Variants in ZSCAN25 observed in about 807,000 individuals in gnomAD.
The protein encoded by ZSCAN25 is zinc finger and SCAN domain containing 25.
In ZSCAN25, 27 loss-of-function variants were observed where a neutral mutation model predicts 38.7. The observed-to-expected ratio is 0.70, with a 90% confidence interval of 0.51 to 0.96. ZSCAN25 has a LOEUF of 0.96. Ranked by LOEUF, ZSCAN25 falls within the 40% of genes least tolerant of loss-of-function variation. The pLI is 0.00. For missense variants in ZSCAN25, 637 were observed against 705.9 expected (o/e 0.90, Z 1.11); for synonymous variants, 273 against 277.7 (o/e 0.98, Z 0.17).
chr7:99,719,079 A>T, the ZSCAN25 span, among the ~76,000 whole-genome samples: 1 of 152,224 alleles, frequency 6.6e-6, no homozygotes, highest in Non-Finnish European at 1.5e-5. Flanking sequence ...ACTTTCCCTA[A>T]ATTGATCTAT....
the ZSCAN25 span, chr7:99,715,914 G>C: frequency 1.2e-6 from 2 of 1,613,480 alleles, no homozygotes; most frequent in Non-Finnish European, 1.7e-6. Flanking sequence ...ACGCTGAGTG[G>C]AGAAAGATGT....
At chr7:99,683,736 C>T in the ZSCAN25 span, among the ~76,000 whole-genome samples, 5 of 152,080 alleles carry the variant, frequency 3.3e-5, no homozygotes, top group African/African-American at 1.2e-4. Context: ...TGCTTGGACT[C>T]CCACACACAG....
chr7:99,656,787 A>G, the ZSCAN25 span, among the ~76,000 whole-genome samples: 3 of 152,140 alleles, frequency 2.0e-5, no homozygotes, highest in Non-Finnish European at 4.4e-5. Flanking sequence ...CAGAGTTTCA[A>G]CTTCTTCCTG....
chr7:99,647,516 A>G, the ZSCAN25 span: 1 of 985,482 alleles, frequency 1.0e-6, no homozygotes, highest in Non-Finnish European at 1.2e-6. Flanking sequence ...GGAATGCAAG[A>G]CGTATAAGAA....
the ZSCAN25 span, among the ~76,000 whole-genome samples, chr7:99,687,473 A>G: frequency 2.0e-5 from 3 of 152,360 alleles, no homozygotes; most frequent in Non-Finnish European, 4.4e-5. Flanking sequence ...GTTTAGAGAA[A>G]AAGAATAAAA....
At chr7:99,649,009 C>T in the ZSCAN25 span, among the ~76,000 whole-genome samples, 4 of 152,214 alleles carry the variant, frequency 2.6e-5, no homozygotes, top group Non-Finnish European at 5.9e-5. Context: ...ACTCATACTT[C>T]TAGCACTATT....
the ZSCAN25 span, chr7:99,663,927 C>T: frequency 1.3e-6 from 2 of 1,549,674 alleles, no homozygotes; most frequent in Admixed American, 2.3e-5. Flanking sequence ...CTAAATTTAT[C>T]AAAACCTAAA....
chr7:99,700,736 G>A, the ZSCAN25 span, among the ~76,000 whole-genome samples: 1 of 152,172 alleles, frequency 6.6e-6, no homozygotes, highest in Admixed American at 6.5e-5. Flanking sequence ...GACCCTAGCA[G>A]GGTACTGTAC....
chr7:99,632,520 C>T (rs1020681059), downstream of ZSCAN25: 35 of 160,182 alleles, frequency 2.2e-4, no homozygotes, highest in East Asian at 5.8e-4. Context: ...AAGGTAAGGG[C>T]GGCTGGGTGT....
chr7:99,632,677 G>C (rs1298139824), downstream of ZSCAN25, among the ~76,000 whole-genome samples: 2 of 152,146 alleles, frequency 1.3e-5, no homozygotes, highest in South Asian at 2.1e-4. Flanking sequence ...TGTGGTCCCA[G>C]CTATTCAGGA....
At position 99,631,059 on chromosome 7, in the gene ZSCAN25, T is replaced by C; in HGVS notation, c.*1039T>C. 1 of 983,198 alleles carries C rather than the reference T, an allele frequency of 1.0e-6. No individual in the cohort carries two copies. 60.9% of individuals were successfully genotyped at this position (983,198 alleles called of 1,614,324 possible). On this transcript the variant is annotated 3_prime_UTR_variant, in exon 8 of 8. Coordinates refer to ENST00000394152, the MANE Select transcript of ZSCAN25 (RefSeq NM_145115.3). ...TGGGTGCTTGAGACACATCCATGAA[T>C]AAAATAGGGGGAGAAGCTGTTGACC...
chr7:99,652,395 G>T, the ZSCAN25 span: 6 of 533,620 alleles, frequency 1.1e-5, no homozygotes, highest in Non-Finnish European at 1.9e-5. Flanking sequence ...TTTCTAGTCT[G>T]TGGTTTGTAA....
At chr7:99,694,600 C>T in the ZSCAN25 span, among the ~76,000 whole-genome samples, 1 of 152,228 alleles carries the variant, frequency 6.6e-6, no homozygotes, top group East Asian at 1.9e-4. Flanking sequence ...GGTACATCTA[C>T]TAAAGAACTG....
the ZSCAN25 span, among the ~76,000 whole-genome samples, chr7:99,723,179 G>A: frequency 1.3e-5 from 2 of 152,120 alleles, no homozygotes; most frequent in Non-Finnish European, 2.9e-5. Context: ...GCCTGCATGG[G>A]TACATCCAGA....
chr7:99,719,233 C>A, the ZSCAN25 span, among the ~76,000 whole-genome samples: 1 of 152,158 alleles, frequency 6.6e-6, no homozygotes, highest in Non-Finnish European at 1.5e-5. Context: ...TGGGAAGAAT[C>A]ACTCTACATG....
At chr7:99,708,089 T>C in the ZSCAN25 span, 4 of 1,458,838 alleles carry the variant, frequency 2.7e-6, no homozygotes, top group African/African-American at 5.6e-5. Context: ...CAGGATACTT[T>C]TGTGGGCTAG....
rs1217094028 is a variant in ZSCAN25 at position 99,632,181 on chromosome 7, G to T, written c.*2161G>T. On this transcript the variant is annotated 3_prime_UTR_variant, in exon 8 of 8. Coordinates refer to ENST00000394152, the MANE Select transcript of ZSCAN25 (RefSeq NM_145115.3). ...CTGGCCTCTTCCCTATCTCCTGTGG[G>T]GCCAAGAGCTTAGGACAGTGTCTCA... is the stretch of plus-strand genomic sequence containing the variant. 19 of 985,290 alleles carry T rather than the reference G, an allele frequency of 1.9e-5. No individual in the cohort carries two copies. In the Admixed American group the frequency reaches 7.4e-4, roughly 38 times the overall value. 61.0% of individuals were successfully genotyped at this position (985,290 alleles called of 1,614,324 possible).
chr7:99,622,989 G>T (rs1389011474), intron 6 of ZSCAN25, among the ~76,000 whole-genome samples: 3 of 152,122 alleles, frequency 2.0e-5, no homozygotes, highest in African/African-American at 7.2e-5. Context: ...TGTATTTTTA[G>T]TAGAGACGGG....
the ZSCAN25 span, among the ~76,000 whole-genome samples, chr7:99,644,447 G>A: frequency 9.2e-5 from 14 of 152,166 alleles, no homozygotes; most frequent in Non-Finnish European, 1.6e-4. Flanking sequence ...GTGGAATTTT[G>A]TAGATAGAAA....
Sources: gnomAD v4.1 joint callset for allele counts (sites outside exome capture counted in the v4.1 genomes callset) on GRCh38, gnomAD v4.1.1 for gene constraint, MANE v1.5 for transcripts, NCBI Gene and HGNC (gene_info 2026-07-23, HGNC 2026-07-21) for gene names.